The following NUMB variants were observed in gnomAD, a reference collection of about 807,000 sequenced individuals.
NUMB encodes the protein NUMB endocytic adaptor protein.
In NUMB, 29 loss-of-function variants were observed where a neutral mutation model predicts 59.7. The ratio of observed to expected loss-of-function variants is 0.49; its 90% CI spans 0.36 to 0.66. The LOEUF is 0.66. Ranked by LOEUF, NUMB falls within the 30% of genes least tolerant of loss-of-function variation. NUMB has a pLI of 0.00. For synonymous variants in NUMB, 288 were observed against 288.2 expected, an observed-to-expected ratio of 1.00 and a Z score of 0.01; for missense variants, 723 against 822.0, an observed-to-expected ratio of 0.88 and a Z score of 1.47.
intron 4 of NUMB, among the ~76,000 whole-genome samples, chr14:73,325,474 A>C (rs1055725512): frequency 2.0e-5 from 3 of 152,232 alleles, no homozygotes; most frequent in African/African-American, 7.2e-5. Flanking sequence ...AATGAAATGA[A>C]GAAAACTTTT....
At chr14:73,338,545 C>A (rs1892471384) in intron 4 of NUMB, among the ~76,000 whole-genome samples, 1 of 152,160 alleles carries the variant, frequency 6.6e-6, no homozygotes, top group Non-Finnish European at 1.5e-5. Context: ...CCAGAATGAT[C>A]CTTTTAACAT....
intron 4 of NUMB, among the ~76,000 whole-genome samples, chr14:73,350,078 T>TACACACACACACACACACACACAC (rs71112732): frequency 2.2e-5 from 3 of 137,690 alleles, no homozygotes; most frequent in South Asian, 2.5e-4. Context: ...CATACATACA[T>TACACACACACACACACACACACAC]ACACACACAC....
intron 3 of NUMB, among the ~76,000 whole-genome samples, chr14:73,360,242 C>T (rs572644855): frequency 6.6e-6 from 1 of 152,290 alleles, no homozygotes; most frequent in African/African-American, 2.4e-5. Context: ...CACAAATACA[C>T]AGTACATGTT....
chr14:73,296,855 T>C (rs1162733921), intron 7 of NUMB, among the ~76,000 whole-genome samples: 1 of 152,062 alleles, frequency 6.6e-6, no homozygotes, highest in Non-Finnish European at 1.5e-5. Flanking sequence ...AAACCCCGTA[T>C]CTACTAATAA....
intron 1 of NUMB, among the ~76,000 whole-genome samples, chr14:73,437,929 G>T (rs1898125830): frequency 6.6e-6 from 1 of 152,216 alleles, no homozygotes; most frequent in Non-Finnish European, 1.5e-5. Context: ...AAATGTTAAT[G>T]ATCATATTTT....
At chr14:73,329,309 A>T (rs915125852) in intron 4 of NUMB, among the ~76,000 whole-genome samples, 2 of 152,104 alleles carry the variant, frequency 1.3e-5, no homozygotes, top group Non-Finnish European at 2.9e-5. Flanking sequence ...TTTGATTTAG[A>T]TTGTAAGTGC....
chr14:73,389,098 T>TAA (rs71112747), intron 2 of NUMB, among the ~76,000 whole-genome samples: 13,777 of 95,544 alleles, frequency 0.14, 1,228 homozygotes, highest in Non-Finnish European at 0.21. Context: ...GACTCTGCCT[T>TAA]AAAAAAAAAA....
chr14:73,406,095 T>TG (rs1555379360), intron 2 of NUMB, among the ~76,000 whole-genome samples: 19 of 101,500 alleles, frequency 1.9e-4, no homozygotes, highest in Non-Finnish European at 4.6e-5. Flanking sequence ...TATTTTTGTT[T>TG]TTTTTTTTTT....
intron 2 of NUMB, among the ~76,000 whole-genome samples, chr14:73,371,304 A>G (rs1894658927): frequency 6.6e-6 from 1 of 152,018 alleles, no homozygotes; most frequent in African/African-American, 2.4e-5. Flanking sequence ...GGGAGACCCG[A>G]GGTGGGTGGA....
chr14:73,426,912 G>C (rs558211235), intron 1 of NUMB, among the ~76,000 whole-genome samples: 1 of 152,236 alleles, frequency 6.6e-6, no homozygotes, highest in South Asian at 2.1e-4. Flanking sequence ...CTACTTAGGA[G>C]GCTGAGATGG....
At chr14:73,290,504 A>G (rs1889319306) in intron 8 of NUMB, among the ~76,000 whole-genome samples, 1 of 152,238 alleles carries the variant, frequency 6.6e-6, no homozygotes, top group Non-Finnish European at 1.5e-5. Context: ...TCTGACTCAG[A>G]GCCTGAGCTC....
At chr14:73,424,444 C>T (rs1281522416) in intron 1 of NUMB, among the ~76,000 whole-genome samples, 1 of 151,982 alleles carries the variant, frequency 6.6e-6, no homozygotes, top group Non-Finnish European at 1.5e-5. Context: ...AAAATCTTGC[C>T]GTAACTAAAG....
chr14:73,390,186 A>G (rs1359562092), intron 2 of NUMB, among the ~76,000 whole-genome samples: 1 of 152,230 alleles, frequency 6.6e-6, no homozygotes, highest in East Asian at 1.9e-4. Flanking sequence ...TAAAAATTAT[A>G]AGCTTAATTA....
At position 73,283,219 on chromosome 14, in the gene NUMB, C is replaced by T. The variant is rs111630445; in HGVS notation, c.950-714G>A. On this transcript the variant is annotated intron_variant, in intron 10 of 12. Transcript: ENST00000555238. The stretch of plus-strand genomic sequence containing the variant: ...ATTCCCTGTCTGCCCTAGAAGGAGA[C>T]TGAACTGAAATGAGGTACCTCAGCT... Among the ~76,000 whole-genome samples the T allele has an allele frequency of 6.6e-3, 1,009 of 152,282 alleles. 11 individuals are homozygous for T. Among genetic ancestry groups the T allele is most frequent in the African/African-American group, 0.024 (977 of 41,558 alleles).
intron 2 of NUMB, among the ~76,000 whole-genome samples, chr14:73,374,316 T>C (rs1251786553): frequency 2.0e-5 from 3 of 152,202 alleles, no homozygotes; most frequent in Non-Finnish European, 2.9e-5. Context: ...CTACTGCGCC[T>C]GGCCAAAAGC....
chr14:73,425,680 T>C (rs1010458706), intron 1 of NUMB, among the ~76,000 whole-genome samples: 1 of 152,140 alleles, frequency 6.6e-6, no homozygotes, highest in African/African-American at 2.4e-5. Context: ...CTACTATATA[T>C]AGAGCACCTA....
At chr14:73,342,128 C>A (rs1030666401) in intron 4 of NUMB, among the ~76,000 whole-genome samples, 4 of 152,322 alleles carry the variant, frequency 2.6e-5, no homozygotes, top group African/African-American at 9.6e-5. Flanking sequence ...AACCCCTGGG[C>A]CCAAGTGATC....
At chr14:73,438,790 T>A (rs1035740113) in intron 1 of NUMB, among the ~76,000 whole-genome samples, 2 of 152,150 alleles carry the variant, frequency 1.3e-5, no homozygotes, top group South Asian at 2.1e-4. Flanking sequence ...TGTAATTTTT[T>A]AAAATGAATT....
At chr14:73,292,035 T>C (rs991006659) in intron 8 of NUMB, among the ~76,000 whole-genome samples, 5 of 152,062 alleles carry the variant, frequency 3.3e-5, no homozygotes, top group African/African-American at 1.2e-4. Flanking sequence ...CAGTTTTGTT[T>C]TTTTGTTTTG....
Sources: allele counts gnomAD v4.1 joint callset (sites outside exome capture counted in the v4.1 genomes callset), GRCh38; gene constraint gnomAD v4.1.1; transcripts MANE v1.5; gene names NCBI Gene and HGNC (gene_info 2026-07-23, HGNC 2026-07-21).